MALL: variants seen among roughly 807,000 people sequenced by gnomAD.
MALL encodes MAL-like protein.
In MALL, 2 loss-of-function variants were observed where a neutral mutation model predicts 10.3. That is an observed-to-expected ratio of 0.19 (90% CI 0.08 to 0.61). The LOEUF is 0.61. MALL is among the 20% of genes least tolerant of loss of function. MALL has a pLI of 0.88. For synonymous variants in MALL, 27 were observed against 51.8 expected (o/e 0.52, Z 2.05); for missense variants, 39 against 115.2 (o/e 0.34, Z 3.03).
At chr2:110,108,327 T>G (rs1029289652) in intron 1 of MALL, among the ~76,000 whole-genome samples, 3 of 151,932 alleles carry the variant, frequency 2.0e-5, no homozygotes, top group African/African-American at 7.3e-5. Flanking sequence ...TGGAAATAGA[T>G]AGCTTAAAGA....
Position 110,114,255 on chromosome 2 carries a change from G to A in MALL, c.105+1433C>T, listed in dbSNP as rs147468266. On this transcript the variant is annotated intron_variant, in intron 1 of 3. Coordinates refer to ENST00000272462, the MANE Select transcript of MALL (RefSeq NM_005434.5). ...GCAGGCCTGGACCCCTCCTTGGCCTGGAGAGTTCAGATGGTCCCTCCTTGC... is the reference window on the plus strand; with the variant it reads ...GCAGGCCTGGACCCCTCCTTGGCCTAGAGAGTTCAGATGGTCCCTCCTTGC... 5.3e-3 allele frequency among the ~76,000 whole-genome samples: 806 copies of A among 152,184 alleles called. 7 individuals are homozygous for A. The highest frequency in any genetic ancestry group is 9.3e-3 in the Non-Finnish European group (633 of 68,004).
intron 1 of MALL, among the ~76,000 whole-genome samples, chr2:110,115,421 C>A (rs1678886194): frequency 6.6e-6 from 1 of 150,644 alleles, no homozygotes; most frequent in South Asian, 2.1e-4. Context: ...CAGCTGCGCC[C>A]CGCTGTGCGC....
intron 1 of MALL, among the ~76,000 whole-genome samples, chr2:110,105,795 C>A (rs1309683227): frequency 6.6e-6 from 1 of 152,118 alleles, no homozygotes; most frequent in East Asian, 1.9e-4. Flanking sequence ...ATTTCTTCTC[C>A]CAGCCCCACC....
chr2:110,110,119 G>A (rs557542410), intron 1 of MALL, among the ~76,000 whole-genome samples: 15 of 152,074 alleles, frequency 9.9e-5, no homozygotes, highest in South Asian at 2.1e-4. Context: ...CAAAAAGTCT[G>A]AAAGAGCACA....
intron 1 of MALL, among the ~76,000 whole-genome samples, chr2:110,109,087 T>C (rs1427799518): frequency 3.3e-5 from 5 of 152,034 alleles, no homozygotes; most frequent in Non-Finnish European, 7.4e-5. Context: ...AAACAGAACC[T>C]CTTTAAAGCA....
intron 1 of MALL, among the ~76,000 whole-genome samples, chr2:110,108,772 T>C (rs1678745684): frequency 6.6e-6 from 1 of 152,154 alleles, no homozygotes; most frequent in Non-Finnish European, 1.5e-5. Context: ...AAGAAAAGGC[T>C]CTTAAGAGCT....
intron 1 of MALL, among the ~76,000 whole-genome samples, chr2:110,102,831 C>T (rs1574033517): frequency 6.6e-6 from 1 of 152,104 alleles, no homozygotes; most frequent in South Asian, 2.1e-4. Flanking sequence ...ATCGGCACCC[C>T]TTGTCATCCT....
At chr2:110,105,431 G>A (rs1229850671) in intron 1 of MALL, among the ~76,000 whole-genome samples, 4 of 152,150 alleles carry the variant, frequency 2.6e-5, no homozygotes, top group Non-Finnish European at 2.9e-5. Context: ...TTATTCCAAC[G>A]GGACCCCATG....
intron 1 of MALL, among the ~76,000 whole-genome samples, chr2:110,095,905 C>G (rs1678430565): frequency 6.6e-6 from 1 of 152,124 alleles, no homozygotes; most frequent in Admixed American, 6.5e-5. Flanking sequence ...GCTTGAGCTT[C>G]TTACAGCTAT....
At chr2:110,099,066 C>CA (rs1678507106) in intron 1 of MALL, among the ~76,000 whole-genome samples, 1 of 152,080 alleles carries the variant, frequency 6.6e-6, no homozygotes, top group South Asian at 2.1e-4. Context: ...AGTTGCCATG[C>CA]AAAATGCCTC....
In MALL at chr2:110,113,435, C is replaced by CAAAA. The variant is rs58360665; in HGVS notation, c.105+2249_105+2252dup. Among the ~76,000 whole-genome samples, 30 of 31,800 alleles carry CAAAA rather than the reference C, an allele frequency of 9.4e-4. 2 individuals carry two copies. Among genetic ancestry groups the CAAAA allele is most frequent in the Admixed American group, 6.2e-3 (17 of 2,736 alleles). The allele number at this position is 31,800 out of a possible 152,430, so 20.9% of individuals were successfully genotyped here. A position where few individuals can be genotyped will look rare whatever the true frequency, so the allele number is the denominator to read the frequency against. On this transcript the variant is annotated intron_variant, in intron 1 of 3. Transcript: ENST00000272462. Reference sequence around the variant, plus strand: ...CCTGGACGACAGCGAGACTCTGTCTCAAAAAAAAAAAAAAAAAAAAAAAAA... The same window carrying CAAAA: ...CCTGGACGACAGCGAGACTCTGTCTCAAAAAAAAAAAAAAAAAAAAAAAAAAAAA...
intron 1 of MALL, among the ~76,000 whole-genome samples, chr2:110,095,854 C>A (rs1028879777): frequency 3.9e-5 from 6 of 152,050 alleles, no homozygotes; most frequent in African/African-American, 1.4e-4. Context: ...GAGGTCCAGT[C>A]AAAAGGACTC....
At chr2:110,096,233 T>G (rs567226891) in intron 1 of MALL, among the ~76,000 whole-genome samples, 25 of 151,988 alleles carry the variant, frequency 1.6e-4, no homozygotes, top group Middle Eastern at 3.4e-3. Flanking sequence ...GTTCCCCAGG[T>G]GGGGTGGCCA....
At position 110,115,771 on chromosome 2, in the gene MALL, C is replaced by T. The variant is rs1678904738; in HGVS notation, c.22G>A (p.Ala8Thr). Residue 8 changes from alanine (A) to threonine (T), a missense_variant, in exon 1 of 4, where the codon GCC becomes ACC. Ala to Thr is a moderately conservative substitution (Grantham distance 58). Around this residue, in one of 2 missense-constraint regions of MALL, gnomAD observed 39 missense variants for 48.0 expected, o/e 0.81. Transcript: ENST00000272462. Reference protein sequence around the residue: MASPDPPATSYAPSDVPS... With the variant: MASPDPPTTSYAPSDVPS... ...ACGTCGGACGGGGCGTAGCTGGTGG[C>T]GGGCGGGTCGGGCGAGGCCATGCTG... The T allele has an allele frequency of 1.6e-6, 2 of 1,273,804 alleles. No homozygotes were observed. The highest frequency in any genetic ancestry group is 1.0e-6 in the Non-Finnish European group (1 of 1,003,552). 78.9% of individuals were successfully genotyped at this position (1,273,804 alleles called of 1,614,324 possible). A position where few individuals can be genotyped will look rare whatever the true frequency, so the allele number is the denominator to read the frequency against.
At chr2:110,116,839 GC>G (rs1382534285), upstream of MALL, among the ~76,000 whole-genome samples, 4 of 152,168 alleles carry the variant, frequency 2.6e-5, no homozygotes, top group Admixed American at 2.6e-4. Context: ...CCTTCTTCCT[GC>G]CCCCTGCTGC....
intron 1 of MALL, among the ~76,000 whole-genome samples, chr2:110,111,767 A>G (rs952949464): frequency 6.6e-6 from 1 of 152,198 alleles, no homozygotes; most frequent in African/African-American, 2.4e-5. Flanking sequence ...AAGAGCCCAC[A>G]TAACCAAAGC....
At chr2:110,105,174 G>C (rs994055427) in intron 1 of MALL, among the ~76,000 whole-genome samples, 2 of 152,232 alleles carry the variant, frequency 1.3e-5, no homozygotes, top group African/African-American at 4.8e-5. Flanking sequence ...AGCAGAGCCA[G>C]ACTTTAGGCC....
chr2:110,115,196 G>A lies in MALL; in HGVS notation c.105+492C>T, dbSNP rs73954605. ...AACACTGGAAGACCTACTCTCAGAG[G>A]GAAACACAGTCTCCTCACTTCAAAC... On this transcript the variant is annotated intron_variant, in intron 1 of 3. Transcript: ENST00000272462. Among the ~76,000 whole-genome samples, 1,335 of 152,260 alleles carry A rather than the reference G, an allele frequency of 8.8e-3. 18 individuals are homozygous for A. Among genetic ancestry groups the A allele is most frequent in the African/African-American group, 0.031 (1,278 of 41,562 alleles).
chr2:110,104,165 T>C (rs546537813), intron 1 of MALL, among the ~76,000 whole-genome samples: 90 of 152,216 alleles, frequency 5.9e-4, no homozygotes, highest in Admixed American at 1.1e-3. Context: ...GCTTCATCTA[T>C]AGGTTTGAGC....
Sources: gnomAD v4.1 joint callset for allele counts (sites outside exome capture counted in the v4.1 genomes callset) on GRCh38, gnomAD v4.1.1 for gene constraint, gnomAD v4.1.1 regional missense constraint, MANE v1.5 for transcripts, NCBI Gene and HGNC (gene_info 2026-07-23, HGNC 2026-07-21) for gene names.